The following MCC variants were observed in gnomAD, a reference collection of about 807,000 sequenced individuals.
MCC encodes the protein MCC regulator of Wnt signaling pathway.
In MCC, 90 loss-of-function variants were observed where a neutral mutation model predicts 116.2. That is an observed-to-expected ratio of 0.77 (90% CI 0.65 to 0.92). The LOEUF (loss-of-function observed/expected upper bound fraction) is 0.92, where lower values mean the gene tolerates loss of function less well. Ranked by LOEUF, MCC falls within the 40% of genes least tolerant of loss-of-function variation. MCC has a pLI of 0.00. For missense variants in MCC, 1,516 were observed against 1,312.2 expected (o/e 1.16, Z -2.40); for synonymous variants, 578 against 510.5 (o/e 1.13, Z -1.78).
chr5:113,123,112 G>T (rs943879517), intron 5 of MCC, among the ~76,000 whole-genome samples: 9 of 152,182 alleles, frequency 5.9e-5, no homozygotes, highest in Admixed American at 5.2e-4. Flanking sequence ...GAAGAAACTA[G>T]ATTTCTTCGC....
At chr5:113,153,369 C>G (rs1759993841) in intron 3 of MCC, among the ~76,000 whole-genome samples, 2 of 152,124 alleles carry the variant, frequency 1.3e-5, no homozygotes, top group South Asian at 4.1e-4. Context: ...CCCACAGACT[C>G]CATGAACTGG....
At chr5:113,030,838 A>G (rs979262463) in intron 17 of MCC, among the ~76,000 whole-genome samples, 2 of 152,246 alleles carry the variant, frequency 1.3e-5, no homozygotes, top group Non-Finnish European at 2.9e-5. Flanking sequence ...CACAAACTCA[A>G]CAGTGCTTAA....
intron 1 of MCC, among the ~76,000 whole-genome samples, chr5:113,424,596 T>G (rs1230635027): frequency 1.3e-5 from 2 of 152,096 alleles, no homozygotes; most frequent in Non-Finnish European, 2.9e-5. Flanking sequence ...GTGTCTGTAA[T>G]GCCAGCTACT....
chr5:113,117,761 G>A (rs183132622), intron 6 of MCC, among the ~76,000 whole-genome samples: 28 of 152,354 alleles, frequency 1.8e-4, no homozygotes, highest in Admixed American at 1.6e-3. Flanking sequence ...ATGAGTCTGT[G>A]TGCACACATC....
At chr5:113,428,063 T>C (rs2150409669) in intron 1 of MCC, among the ~76,000 whole-genome samples, 1 of 152,220 alleles carries the variant, frequency 6.6e-6, no homozygotes, top group Admixed American at 6.5e-5. Context: ...GGGGTCTAGC[T>C]CCACCCTCCC....
chr5:113,378,295 G>T (rs908823785), intron 2 of MCC, among the ~76,000 whole-genome samples: 2 of 151,864 alleles, frequency 1.3e-5, no homozygotes, highest in Non-Finnish European at 2.9e-5. Flanking sequence ...TTTTTTTACT[G>T]TTAGTTTTTC....
At chr5:113,239,978 A>G (rs1306791229) in intron 3 of MCC, among the ~76,000 whole-genome samples, 5 of 152,206 alleles carry the variant, frequency 3.3e-5, no homozygotes, top group Non-Finnish European at 2.9e-5. Context: ...GTCATTCATT[A>G]TATGATTTGT....
chr5:113,425,501 C>T (rs1319566946), intron 1 of MCC, among the ~76,000 whole-genome samples: 2 of 152,100 alleles, frequency 1.3e-5, no homozygotes, highest in African/African-American at 4.8e-5. Flanking sequence ...CTATTTCTCT[C>T]CTATGTGACA....
intron 3 of MCC, among the ~76,000 whole-genome samples, chr5:113,188,373 AAC>A (rs1436272264): frequency 2.6e-5 from 4 of 152,242 alleles, no homozygotes; most frequent in Non-Finnish European, 5.9e-5. Flanking sequence ...GTAAATAAGA[AAC>A]ACAGAGTCAC....
At chr5:113,472,790 G>A (rs980225303) in intron 1 of MCC, among the ~76,000 whole-genome samples, 3 of 152,182 alleles carry the variant, frequency 2.0e-5, no homozygotes, top group Non-Finnish European at 2.9e-5. Flanking sequence ...GCTAATTCTG[G>A]AAGCATGTAA....
At chr5:113,183,225 C>A (rs1761719040) in intron 3 of MCC, among the ~76,000 whole-genome samples, 1 of 152,168 alleles carries the variant, frequency 6.6e-6, no homozygotes, top group Non-Finnish European at 1.5e-5. Flanking sequence ...GACAAGAGCT[C>A]TGATTCACAC....
chr5:113,055,155 G>A lies in MCC; in HGVS notation c.2214-1196C>T, dbSNP rs115299150. ...GGAAAGTGAAGCTCAGAGACATCAAGTGGTCAGCCGAGTCATGCGACTGGA... is the reference window on the plus strand; with the variant it reads ...GGAAAGTGAAGCTCAGAGACATCAAATGGTCAGCCGAGTCATGCGACTGGA... On this transcript the variant is annotated intron_variant, in intron 14 of 18. Transcript: ENST00000408903. Among the ~76,000 whole-genome samples the A allele has an allele frequency of 6.2e-4, 94 of 152,336 alleles. 1 individual carries two copies. The highest frequency in any genetic ancestry group is 2.2e-3 in the African/African-American group (91 of 41,570).
chr5:113,170,730 T>G (rs775155713), intron 3 of MCC, among the ~76,000 whole-genome samples: 2 of 152,130 alleles, frequency 1.3e-5, no homozygotes, highest in African/African-American at 2.4e-5. Context: ...TTTACAAAAT[T>G]TGACAAGAAG....
intron 15 of MCC, among the ~76,000 whole-genome samples, chr5:113,050,733 G>A (rs77864418): frequency 0.041 from 6,234 of 152,320 alleles, 446 homozygotes; most frequent in African/African-American, 0.14. Context: ...GCTTGAAAGA[G>A]GGAAAGAGAA....
intron 8 of MCC, among the ~76,000 whole-genome samples, chr5:113,085,905 G>A (rs1755171938): frequency 6.6e-6 from 1 of 152,102 alleles, no homozygotes; most frequent in Non-Finnish European, 1.5e-5. Context: ...GCCAGGGCTC[G>A]TCTTGAACTC....
chr5:113,176,221 T>TA (rs79063106), intron 3 of MCC, among the ~76,000 whole-genome samples: 7,927 of 152,100 alleles, frequency 0.052, 460 homozygotes, highest in African/African-American at 0.14. Context: ...AAACATGACA[T>TA]AAGAACAAGG....
intron 3 of MCC, among the ~76,000 whole-genome samples, chr5:113,213,339 C>G (rs977932484): frequency 2.1e-4 from 32 of 152,116 alleles, no homozygotes; most frequent in African/African-American, 7.0e-4. Context: ...GAACACTGCC[C>G]TAAGAGTTAC....
At chr5:113,452,470 C>T (rs950855415) in intron 1 of MCC, among the ~76,000 whole-genome samples, 7 of 152,308 alleles carry the variant, frequency 4.6e-5, no homozygotes, top group South Asian at 2.1e-4. Context: ...CAGAGAGCTG[C>T]CTTGCCCTTC....
At chr5:113,132,427 C>CATATATATATAT (rs1162820789) in intron 5 of MCC, among the ~76,000 whole-genome samples, 31 of 107,072 alleles carry the variant, frequency 2.9e-4, no homozygotes, top group African/African-American at 3.8e-4. Flanking sequence ...TACACACATA[C>CATATATATATAT]ATATATATAT....
Sources: gnomAD v4.1 joint callset for allele counts (sites outside exome capture counted in the v4.1 genomes callset) on GRCh38, gnomAD v4.1.1 for gene constraint, MANE v1.5 for transcripts, NCBI Gene and HGNC (gene_info 2026-07-23, HGNC 2026-07-21) for gene names.